The following LRP1B variants were observed in gnomAD, a reference collection of about 807,000 sequenced individuals.
LRP1B encodes LDL receptor related protein 1B, also known as low-density lipoprotein receptor-related protein 1B.
Under a neutral mutation model 556.6 loss-of-function variants are expected in LRP1B, and 217 were observed. That is an observed-to-expected ratio of 0.39 (90% CI 0.35 to 0.44). The LOEUF (loss-of-function observed/expected upper bound fraction) is 0.44, where lower values mean the gene tolerates loss of function less well. Ranked by LOEUF, LRP1B falls within the 20% of genes least tolerant of loss-of-function variation. The pLI, the probability that LRP1B is intolerant of heterozygous loss-of-function variation, is 1.00. For missense variants in LRP1B, 5,053 were observed against 5,620.8 expected, an observed-to-expected ratio of 0.90 and a Z score of 3.23; for synonymous variants, 2,047 against 1,865.8, an observed-to-expected ratio of 1.10 and a Z score of -2.50.
rs780105998 is a variant in LRP1B at position 141,254,657 on chromosome 2, A to C, written c.344-16T>G. The C allele has an allele frequency of 1.3e-6, 2 of 1,579,986 alleles. No individual in the cohort carries two copies. The highest frequency in any genetic ancestry group is 4.5e-5 in the East Asian group (2 of 44,124). On this transcript the variant is annotated splice_polypyrimidine_tract_variant and intron_variant, in intron 3 of 90. Transcript: ENST00000389484. ...GATAACAGTTCTGTAGAGAAAAAACAAATATATTCTCTATATTTAACTGTA... is the reference window on the plus strand; with the variant it reads ...GATAACAGTTCTGTAGAGAAAAAACCAATATATTCTCTATATTTAACTGTA...
chr2:140,675,200 T>G (rs1685628935), intron 41 of LRP1B, among the ~76,000 whole-genome samples: 1 of 152,236 alleles, frequency 6.6e-6, no homozygotes, highest in Admixed American at 6.5e-5. Flanking sequence ...ATCATCTGAC[T>G]GTGACTTGAT....
At chr2:141,314,192 A>G (rs2105454824) in intron 3 of LRP1B, among the ~76,000 whole-genome samples, 1 of 152,274 alleles carries the variant, frequency 6.6e-6, no homozygotes, top group East Asian at 1.9e-4. Flanking sequence ...TTAGGGTTTA[A>G]AGATATGTCA....
Position 140,703,694 on chromosome 2 carries a change from G to C in LRP1B, c.6024-1141C>G, listed in dbSNP as rs954343733. ...TCCCCCAATCCCCAAGTAGTCCACAGTGTCTCTTGTTCCCATGTTCATGTT... is the reference window on the plus strand; with the variant it reads ...TCCCCCAATCCCCAAGTAGTCCACACTGTCTCTTGTTCCCATGTTCATGTT... On this transcript the variant is annotated intron_variant, in intron 37 of 90. Coordinates refer to ENST00000389484, the MANE Select transcript of LRP1B (RefSeq NM_018557.3). Among the ~76,000 whole-genome samples, 4 of 152,212 alleles carry C rather than the reference G, an allele frequency of 2.6e-5. No homozygotes were observed. The East Asian group carries it at 5.8e-4, about 22-fold the overall frequency.
At chr2:140,980,449 C>T (rs891678366) in intron 18 of LRP1B, among the ~76,000 whole-genome samples, 4 of 152,126 alleles carry the variant, frequency 2.6e-5, no homozygotes, top group African/African-American at 4.8e-5. Context: ...CTATTATATA[C>T]GTAAAATATT....
intron 2 of LRP1B, among the ~76,000 whole-genome samples, chr2:141,587,031 T>C (rs1687167572): frequency 1.3e-5 from 2 of 151,734 alleles, no homozygotes. Flanking sequence ...ATTATCCATT[T>C]GCAAAAATGG....
Position 140,947,397 on chromosome 2 carries a change from T to TA in LRP1B, c.3136+2837dup, listed in dbSNP as rs1301421290. ...ATATGCTCTGCTTATCCATGCAGTG[T>TA]AAAGCAAAGTGCTGAGCAATTATAT... is the stretch of plus-strand genomic sequence containing the variant. On this transcript the variant is annotated intron_variant, in intron 20 of 90. Coordinates refer to ENST00000389484, the MANE Select transcript of LRP1B (RefSeq NM_018557.3). Among the ~76,000 whole-genome samples, 3 of 152,332 alleles carry TA rather than the reference T, an allele frequency of 2.0e-5. No homozygotes were observed. In the South Asian group the frequency reaches 6.2e-4, roughly 32 times the overall value.
chr2:141,713,000 T>C (rs529656749), intron 2 of LRP1B, among the ~76,000 whole-genome samples: 5 of 151,914 alleles, frequency 3.3e-5, no homozygotes, highest in Non-Finnish European at 5.9e-5. Context: ...TCTTCAAGTA[T>C]ACAAGTACAT....
intron 2 of LRP1B, among the ~76,000 whole-genome samples, chr2:141,724,480 C>T (rs1234349020): frequency 1.3e-5 from 2 of 151,770 alleles, no homozygotes; most frequent in Admixed American, 1.3e-4. Context: ...TGCTATATTT[C>T]TTCAACATTT....
chr2:141,000,004 C>A (rs1227420622), intron 15 of LRP1B, among the ~76,000 whole-genome samples: 17 of 151,988 alleles, frequency 1.1e-4, no homozygotes, highest in African/African-American at 3.9e-4. Context: ...CAGCCTCAAC[C>A]TCCTAGGCTC....
chr2:141,129,036 T>C (rs553432276), intron 7 of LRP1B, among the ~76,000 whole-genome samples: 89 of 152,266 alleles, frequency 5.8e-4, no homozygotes, highest in African/African-American at 2.1e-3. Flanking sequence ...ATATGATAAA[T>C]GTACTAAGTT....
chr2:141,203,279 C>T (rs756534280), intron 6 of LRP1B, among the ~76,000 whole-genome samples: 14 of 151,672 alleles, frequency 9.2e-5, no homozygotes, highest in Admixed American at 2.0e-4. Context: ...ATTGGTGTGC[C>T]GTATTCAGGA....
chr2:142,076,948 C>T (rs948049416), intron 1 of LRP1B, among the ~76,000 whole-genome samples: 1 of 152,000 alleles, frequency 6.6e-6, no homozygotes, highest in African/African-American at 2.4e-5. Flanking sequence ...AACAGAAACA[C>T]ATAAGAAGAT....
At chr2:140,316,489 G>T (rs548640347) in intron 82 of LRP1B, among the ~76,000 whole-genome samples, 21 of 152,112 alleles carry the variant, frequency 1.4e-4, no homozygotes, top group African/African-American at 5.1e-4. Context: ...CTAATACATT[G>T]TCATGTAGGC....
rs190689712 is a variant in LRP1B at position 141,329,427 on chromosome 2, G to A, written c.344-74786C>T. 6.7e-5 allele frequency among the ~76,000 whole-genome samples: 10 copies of A among 148,778 alleles called. No homozygotes were observed. In the East Asian group the frequency reaches 1.8e-3, roughly 26 times the overall value. ...AGGGAGGCCGAGGCTGGTGGATCCC[G>A]AGGTCAGGAGATCGAGACCATCCTG... On this transcript the variant is annotated intron_variant, in intron 3 of 90. Transcript: ENST00000389484.
At chr2:141,214,595 T>G (rs417978) in intron 6 of LRP1B, among the ~76,000 whole-genome samples, 109,558 of 152,074 alleles carry the variant, frequency 0.72, 40,088 homozygotes, top group East Asian at 0.97. Context: ...AACATTAATT[T>G]ACCTTTATTT....
intron 2 of LRP1B, among the ~76,000 whole-genome samples, chr2:141,523,820 T>G (rs1370500064): frequency 6.6e-6 from 1 of 152,134 alleles, no homozygotes; most frequent in East Asian, 1.9e-4. Context: ...CATAGCCGAG[T>G]AAGGTCCATT....
intron 59 of LRP1B, among the ~76,000 whole-genome samples, chr2:140,481,609 T>TCA (rs1443825813): frequency 6.8e-6 from 1 of 146,396 alleles, no homozygotes; most frequent in Non-Finnish European, 1.5e-5. Context: ...ATTATTATTA[T>TCA]TATTATTATT....
At chr2:141,893,382 G>A (rs1031362744) in intron 1 of LRP1B, among the ~76,000 whole-genome samples, 1 of 152,138 alleles carries the variant, frequency 6.6e-6, no homozygotes, top group African/African-American at 2.4e-5. Context: ...TGTATTTTTA[G>A]TAGAGCCGGA....
intron 7 of LRP1B, among the ~76,000 whole-genome samples, chr2:141,137,754 C>A (rs894152940): frequency 6.6e-6 from 1 of 151,724 alleles, no homozygotes; most frequent in Non-Finnish European, 1.5e-5. Context: ...GTATTTGAAC[C>A]CAAGTTTCAA....
Sources: gnomAD v4.1 joint callset for allele counts (sites outside exome capture counted in the v4.1 genomes callset) on GRCh38, gnomAD v4.1.1 for gene constraint, MANE v1.5 for transcripts, NCBI Gene and HGNC (gene_info 2026-07-23, HGNC 2026-07-21) for gene names.